COL4A2: variants seen among roughly 807,000 people sequenced by gnomAD.
The protein encoded by COL4A2 is collagen alpha-2(IV) chain.
A neutral mutation model predicts 200.2 loss-of-function variants in COL4A2; 99 were observed. The ratio of observed to expected loss-of-function variants is 0.49; its 90% confidence interval spans 0.42 to 0.58. The LOEUF (loss-of-function observed/expected upper bound fraction) is 0.58, where lower values mean the gene tolerates loss of function less well. Ranked by LOEUF, COL4A2 falls within the 20% of genes least tolerant of loss-of-function variation. The pLI is 0.00. For missense variants in COL4A2, 1,950 were observed against 2,314.1 expected (o/e 0.84, Z 3.23); for synonymous variants, 897 against 900.6 (o/e 1.00, Z 0.07).
chr13:110,450,122 GGA>G (rs968178854), intron 19 of COL4A2, among the ~76,000 whole-genome samples, 181 bp from the exon 20 acceptor site: 4 of 152,240 alleles, frequency 2.6e-5, no homozygotes, highest in African/African-American at 4.8e-5. Context: ...TGAGGGGCAA[GGA>G]GAGGGGTGTT....
intron 4 of COL4A2, among the ~76,000 whole-genome samples, chr13:110,409,537 A>G (rs4773179): frequency 0.18 from 27,686 of 152,262 alleles, 3,105 homozygotes; most frequent in East Asian, 0.28. Flanking sequence ...GTTGCCTTCT[A>G]TTTCGTGGAT....
intron 6 of COL4A2, among the ~76,000 whole-genome samples, chr13:110,427,578 A>G (rs1321965251): frequency 2.0e-5 from 3 of 152,254 alleles, no homozygotes. Context: ...GTTTAAAAGT[A>G]ACTACACAAT....
At chr13:110,439,652 C>A in intron 15 of COL4A2, 137 bp from the exon 16 acceptor site, 1 of 1,431,140 alleles carries the variant, frequency 7.0e-7, no homozygotes, top group Non-Finnish European at 9.6e-7. Context: ...TGCTATTCTT[C>A]AAAATCTGGA....
chr13:110,357,957 G>A (rs181330812), intron 4 of COL4A2, among the ~76,000 whole-genome samples: 120 of 152,302 alleles, frequency 7.9e-4, no homozygotes, highest in African/African-American at 2.4e-3. Context: ...GCGTGACCGC[G>A]CACCACTGTA....
chr13:110,465,358 T>C, intron 24 of COL4A2, 47 bp from the exon 25 acceptor site: 1 of 1,545,940 alleles, frequency 6.5e-7, no homozygotes, highest in Non-Finnish European at 8.7e-7. Context: ...CGAGGCGATC[T>C]TTAACATTAG....
At chr13:110,364,968 C>G (rs1245082138) in intron 4 of COL4A2, among the ~76,000 whole-genome samples, 1 of 152,220 alleles carries the variant, frequency 6.6e-6, no homozygotes, top group Non-Finnish European at 1.5e-5. Flanking sequence ...GATGACTGCT[C>G]TGTTTACTTC....
chr13:110,351,043 T>C (rs1444017341), intron 3 of COL4A2, among the ~76,000 whole-genome samples: 1 of 152,088 alleles, frequency 6.6e-6, no homozygotes, highest in Non-Finnish European at 1.5e-5. Context: ...TTTCTTTCTT[T>C]CTTTATTTTT....
intron 3 of COL4A2, among the ~76,000 whole-genome samples, chr13:110,311,808 G>C (rs765893787): frequency 6.6e-6 from 1 of 152,214 alleles, no homozygotes; most frequent in Non-Finnish European, 1.5e-5. Flanking sequence ...CCGGGACCTG[G>C]GGCCACAATA....
chr13:110,447,706 A>G (rs1293984695), intron 18 of COL4A2, among the ~76,000 whole-genome samples: 1 of 152,070 alleles, frequency 6.6e-6, no homozygotes, highest in Non-Finnish European at 1.5e-5. Flanking sequence ...TGCCTGGAAC[A>G]GGACAGGCAC....
intron 47 of COL4A2, among the ~76,000 whole-genome samples, chr13:110,511,214 C>G (rs1594120185): frequency 7.0e-6 from 1 of 143,454 alleles, no homozygotes; most frequent in Admixed American, 7.2e-5. Flanking sequence ...GTTGATGCAA[C>G]AGAAAGTAGA....
intron 13 of COL4A2, among the ~76,000 whole-genome samples, chr13:110,436,912 C>CAG (rs5806857): frequency 0.37 from 56,822 of 151,912 alleles, 11,848 homozygotes; most frequent in African/African-American, 0.57. Context: ...CCCACCCACT[C>CAG]GGAGGTCCCA....
intron 47 of COL4A2, among the ~76,000 whole-genome samples, chr13:110,509,218 T>C (rs1329926482): frequency 2.8e-5 from 4 of 143,236 alleles, no homozygotes; most frequent in African/African-American, 1.0e-4. Flanking sequence ...ATGGATTGGA[T>C]GCCCAGCATG....
chr13:110,391,277 G>A (rs1215984119), intron 4 of COL4A2, among the ~76,000 whole-genome samples: 1 of 152,130 alleles, frequency 6.6e-6, no homozygotes, highest in Non-Finnish European at 1.5e-5. Flanking sequence ...CCTCTACAGA[G>A]CCCCTTCTGC....
chr13:110,432,382 A>G, intron 11 of COL4A2, 22 bp downstream of exon 11: 1 of 1,599,324 alleles, frequency 6.3e-7, no homozygotes, highest in South Asian at 1.1e-5. Context: ...TTGGGGGGTG[A>G]GGATGAGGGA....
At chr13:110,394,309 TGAG>T (rs1879108273) in intron 4 of COL4A2, among the ~76,000 whole-genome samples, 1 of 152,208 alleles carries the variant, frequency 6.6e-6, no homozygotes, top group South Asian at 2.1e-4. Context: ...CCCTTTAACA[TGAG>T]GAGCAGAGAG....
chr13:110,330,754 A>ACCT (rs1333760493), intron 3 of COL4A2, among the ~76,000 whole-genome samples: 2 of 151,840 alleles, frequency 1.3e-5, no homozygotes, highest in African/African-American at 4.8e-5. Context: ...TAAATGAAAG[A>ACCT]CCTCCTACTA....
At chr13:110,407,502 C>T (rs1192360165) in intron 4 of COL4A2, among the ~76,000 whole-genome samples, 1 of 152,210 alleles carries the variant, frequency 6.6e-6, no homozygotes, top group Non-Finnish European at 1.5e-5. Flanking sequence ...TCACATCCAC[C>T]GACCCGAGTT....
Position 110,307,932 on chromosome 13 carries a change from G to T in COL4A2, c.29G>T (p.Gly10Val). The T allele has an allele frequency of 6.2e-7, 1 of 1,612,988 alleles. No homozygotes were observed. Among genetic ancestry groups the T allele is most frequent in the Non-Finnish European group, 8.5e-7 (1 of 1,179,762 alleles). The change falls in exon 2 of 48, where the codon GGC becomes GTC. Residue 10 changes from glycine (G) to valine (V), a missense_variant. Physicochemically the swap from Gly to Val is moderately radical, Grantham distance 109. Transcript: ENST00000360467. The surrounding 1 kb of genome is among the most constrained non-coding windows in gnomAD (Gnocchi z 5.0). Reference sequence around the variant, plus strand: ...GGGAGAGACCAGCGCGCGGTGGCCGGCCCTGCCCTACGGCGGTAAGCGACT... The same window carrying T: ...GGGAGAGACCAGCGCGCGGTGGCCGTCCCTGCCCTACGGCGGTAAGCGACT... Reference protein sequence around the residue: MGRDQRAVAGPALRRWLLLG... With the variant: MGRDQRAVAVPALRRWLLLG...
At chr13:110,328,030 A>T (rs938043442) in intron 3 of COL4A2, among the ~76,000 whole-genome samples, 8 of 152,202 alleles carry the variant, frequency 5.3e-5, no homozygotes, top group African/African-American at 1.9e-4. Context: ...TACACCACAA[A>T]CCTCATCAAC....
Sources: gnomAD v4.1 joint callset for allele counts (sites outside exome capture counted in the v4.1 genomes callset) on GRCh38, gnomAD v4.1.1 for gene constraint, Gnocchi (gnomAD v3.1) non-coding constraint, MANE v1.5 for transcripts, NCBI Gene and HGNC (gene_info 2026-07-23, HGNC 2026-07-21) for gene names.